The following DEPDC5 variants were observed in gnomAD, a reference collection of about 807,000 sequenced individuals.
DEPDC5 encodes the protein DEP domain containing 5, GATOR1 subcomplex subunit.
DEPDC5 carries 73 observed loss-of-function variants against 217.3 expected under a neutral mutation model. The observed-to-expected ratio is 0.34, with a 90% CI of 0.28 to 0.41. The LOEUF is 0.41. Among genes scored for constraint, DEPDC5 ranks in the 10% least tolerant of loss-of-function variants. The probability of loss-of-function intolerance (pLI) is 1.00; values close to 1 mark genes in which losing one functional copy is unlikely to be tolerated. For synonymous variants in DEPDC5, 733 were observed against 756.7 expected, an observed-to-expected ratio of 0.97 and a Z score of 0.51; for missense variants, 1,675 against 2,070.1, an observed-to-expected ratio of 0.81 and a Z score of 3.70.
At chr22:31,784,067 T>C in intron 9 of DEPDC5, 82 bp downstream of exon 9, 1 of 1,086,822 alleles carries the variant, frequency 9.2e-7, no homozygotes, top group Non-Finnish European at 1.4e-6. Context: ...ATGCCCAGGG[T>C]CCCCCACATC....
Position 31,754,912 on chromosome 22 carries a change from A to G in DEPDC5, c.-10A>G, listed in dbSNP as rs757023309. On this transcript the variant is annotated 5_prime_UTR_variant, in exon 2 of 43. Coordinates refer to ENST00000651528, the MANE Select transcript of DEPDC5 (RefSeq NM_001242896.3). Reference sequence around the variant, plus strand: ...AAGCTTGGAACAGCTAAAGGGAAAAACAGTGCAAGATGAGAACAACAAAGG... The same window carrying G: ...AAGCTTGGAACAGCTAAAGGGAAAAGCAGTGCAAGATGAGAACAACAAAGG... 2.1e-5 allele frequency: 34 copies of G among 1,614,196 alleles called. 1 individual carries two copies. In the South Asian group the frequency reaches 2.6e-4, roughly 13 times the overall value.
chr22:31,834,788 C>A (rs1371732411), intron 25 of DEPDC5, among the ~76,000 whole-genome samples: 1 of 152,130 alleles, frequency 6.6e-6, no homozygotes, highest in Non-Finnish European at 1.5e-5. Context: ...CTTGGCCTCC[C>A]AAAGTGCTGT....
chr22:31,774,180 C>G (rs1018578046), intron 7 of DEPDC5, among the ~76,000 whole-genome samples: 5 of 151,920 alleles, frequency 3.3e-5, no homozygotes, highest in Admixed American at 6.6e-5. Flanking sequence ...ACCTTAAACC[C>G]TAGCCTGTTG....
At chr22:31,757,737 T>TA (rs2082054877) in intron 2 of DEPDC5, among the ~76,000 whole-genome samples, 1 of 152,160 alleles carries the variant, frequency 6.6e-6, no homozygotes, top group Non-Finnish European at 1.5e-5. Context: ...CAGGGGTAGA[T>TA]AAACATGAAA....
intron 31 of DEPDC5, among the ~76,000 whole-genome samples, chr22:31,854,489 G>A (rs2092189153): frequency 1.3e-5 from 2 of 152,226 alleles, no homozygotes; most frequent in Admixed American, 6.5e-5. Flanking sequence ...ACACCTTAGA[G>A]CATCCAAGTA....
At chr22:31,874,622 T>C (rs1024110581) in intron 36 of DEPDC5, among the ~76,000 whole-genome samples, 1 of 152,222 alleles carries the variant, frequency 6.6e-6, no homozygotes, top group African/African-American at 2.4e-5. Context: ...ATTTATTGTC[T>C]GAACTGAAAT....
At chr22:31,815,810 T>C in intron 21 of DEPDC5, 1 of 1,228,514 alleles carries the variant, frequency 8.1e-7, no homozygotes, top group Non-Finnish European at 1.0e-6. Flanking sequence ...ATTACAGGCA[T>C]GAACCAATGT....
chr22:31,843,860 A>T (rs1669847313), intron 29 of DEPDC5, 48 bp downstream of exon 29: 10 of 1,524,386 alleles, frequency 6.6e-6, no homozygotes, highest in Non-Finnish European at 8.0e-6. Flanking sequence ...TTGGGCAAGG[A>T]TGTGTATGTG....
At chr22:31,891,286 AT>A in intron 38 of DEPDC5, 1 of 506,662 alleles carries the variant, frequency 2.0e-6, no homozygotes, top group Non-Finnish European at 3.7e-6. Flanking sequence ...AGCAAAAAAC[AT>A]ATCACTTAAA....
intron 9 of DEPDC5, 158 bp downstream of exon 9, chr22:31,784,143 G>T (rs918076201): frequency 1.7e-6 from 1 of 583,536 alleles, no homozygotes. Flanking sequence ...GTGTTTTCTC[G>T]TTCTAAAGAT....
At chr22:31,861,333 A>ACTGCTG in intron 32 of DEPDC5, 35 bp from the exon 33 acceptor site, 1 of 1,547,734 alleles carries the variant, frequency 6.5e-7, no homozygotes, top group East Asian at 2.5e-5. Context: ...CTTCCTTGCA[A>ACTGCTG]CTGCTGCTGC....
Position 31,901,880 on chromosome 22 carries a change from A to AT in DEPDC5, c.4436+85dup, listed in dbSNP as rs1457497635. 6 of 1,369,082 alleles carry AT rather than the reference A, an allele frequency of 4.4e-6. No individual in the cohort carries two copies. In the East Asian group the frequency reaches 1.5e-4, roughly 33 times the overall value. The allele number at this position is 1,369,082 out of a possible 1,614,324, so 84.8% of individuals were successfully genotyped here. ...AATAGCAGTTACCAAAGTGAAACTC[A>AT]TTTTTTTAGCTCCTAGAGAAAGGGA... On this transcript the variant is annotated intron_variant, in intron 41 of 42. Coordinates refer to ENST00000651528, the MANE Select transcript of DEPDC5 (RefSeq NM_001242896.3).
chr22:31,799,538 A>C (rs532990482), intron 14 of DEPDC5, among the ~76,000 whole-genome samples: 173 of 140,676 alleles, frequency 1.2e-3, no homozygotes, highest in African/African-American at 4.4e-3. Context: ...GCTGGAATGT[A>C]GTGGTGCAAT....
chr22:31,793,322 A>G (rs1023937162), intron 12 of DEPDC5, among the ~76,000 whole-genome samples: 1 of 152,096 alleles, frequency 6.6e-6, no homozygotes, highest in Admixed American at 6.6e-5. Context: ...ATCATGTTGC[A>G]TTTAGACCTT....
chr22:31,798,063 G>A (rs998498521), intron 13 of DEPDC5, among the ~76,000 whole-genome samples: 25 of 152,046 alleles, frequency 1.6e-4, no homozygotes, highest in African/African-American at 5.3e-4. Context: ...TAGGACGACA[G>A]GCATGCACTA....
At chr22:31,877,998 C>T (rs2076810768) in intron 37 of DEPDC5, among the ~76,000 whole-genome samples, 1 of 151,818 alleles carries the variant, frequency 6.6e-6, no homozygotes, top group Non-Finnish European at 1.5e-5. Context: ...CCATCCTGGT[C>T]AACATGGTGA....
At chr22:31,839,989 AAT>A (rs954803122) in intron 27 of DEPDC5, among the ~76,000 whole-genome samples, 1 of 152,208 alleles carries the variant, frequency 6.6e-6, no homozygotes, top group East Asian at 1.9e-4. Context: ...AAGAAAAATA[AAT>A]ATATGAATCC....
At chr22:31,812,646 G>A (rs1172347070) in intron 20 of DEPDC5, among the ~76,000 whole-genome samples, 1 of 146,460 alleles carries the variant, frequency 6.8e-6, no homozygotes, top group Non-Finnish European at 1.5e-5. Flanking sequence ...GGATGGTCTC[G>A]ATCTCCTGAT....
intron 2 of DEPDC5, among the ~76,000 whole-genome samples, chr22:31,758,002 G>A (rs2082074692): frequency 6.6e-6 from 1 of 152,158 alleles, no homozygotes; most frequent in South Asian, 2.1e-4. Flanking sequence ...GACCTCAGGT[G>A]ATCTGTCCAT....
Sources: allele counts gnomAD v4.1 joint callset (sites outside exome capture counted in the v4.1 genomes callset), GRCh38; gene constraint gnomAD v4.1.1; transcripts MANE v1.5; gene names NCBI Gene and HGNC (gene_info 2026-07-23, HGNC 2026-07-21).